BCL2: variants seen among roughly 807,000 people sequenced by gnomAD.
BCL2 encodes BCL2 apoptosis regulator.
BCL2 carries 1 observed loss-of-function variant against 14.2 expected under a neutral mutation model. The observed-to-expected ratio is 0.07, with a 90% CI of 0.02 to 0.33. The LOEUF (loss-of-function observed/expected upper bound fraction) is 0.33, where lower values mean the gene tolerates loss of function less well. BCL2 is among the 10% of genes least tolerant of loss of function. BCL2 has a pLI of 0.99. For missense variants in BCL2, 247 were observed against 305.9 expected (o/e 0.81, Z 1.44); for synonymous variants, 151 against 137.2 (o/e 1.10, Z -0.70).
At chr18:63,169,393 C>CTCTTTCTTTCTTTCTTTCTTTCTT (rs1915165518) in intron 2 of BCL2, among the ~76,000 whole-genome samples, 1 of 113,304 alleles carries the variant, frequency 8.8e-6, no homozygotes, top group African/African-American at 4.5e-5. Flanking sequence ...CTTTCTTTTT[C>CTCTTTCTTTCTTTCTTTCTTTCTT]TTTCTTTCTT....
chr18:63,212,851 G>A (rs1290561221), intron 2 of BCL2, among the ~76,000 whole-genome samples: 1 of 150,160 alleles, frequency 6.7e-6, no homozygotes, highest in East Asian at 1.9e-4. Context: ...ACTCCAGCCT[G>A]GGCAACGGAG....
At chr18:63,305,621 G>A (rs757068148) in intron 2 of BCL2, among the ~76,000 whole-genome samples, 5 of 151,312 alleles carry the variant, frequency 3.3e-5, no homozygotes, top group African/African-American at 9.7e-5. Context: ...TTTTTCACCC[G>A]GAAAAAAATT....
chr18:63,215,323 C>T (rs1599250257), intron 2 of BCL2, among the ~76,000 whole-genome samples: 1 of 152,280 alleles, frequency 6.6e-6, no homozygotes, highest in Admixed American at 6.5e-5. Context: ...CATCTCACGT[C>T]CTGTAAGCAC....
At chr18:63,135,754 A>T (rs1169650044) in intron 2 of BCL2, among the ~76,000 whole-genome samples, 1 of 152,028 alleles carries the variant, frequency 6.6e-6, no homozygotes, top group Admixed American at 6.5e-5. Context: ...GACCTCAGGT[A>T]TCCTCAAAAT....
At chr18:63,146,410 AG>A (rs1914514625) in intron 2 of BCL2, among the ~76,000 whole-genome samples, 2 of 152,140 alleles carry the variant, frequency 1.3e-5, no homozygotes, top group Admixed American at 1.3e-4. Context: ...AAATGGAGCG[AG>A]GTAACTAGAG....
chr18:63,170,466 T>A (rs1216093271), intron 2 of BCL2, among the ~76,000 whole-genome samples: 1 of 152,214 alleles, frequency 6.6e-6, no homozygotes, highest in Non-Finnish European at 1.5e-5. Flanking sequence ...CTTGACTTAA[T>A]CCATCCAAAG....
chr18:63,288,341 A>G (rs1912533336), intron 2 of BCL2, among the ~76,000 whole-genome samples: 1 of 152,236 alleles, frequency 6.6e-6, no homozygotes, highest in Non-Finnish European at 1.5e-5. Flanking sequence ...ACTTGCCACG[A>G]ACACTACCAT....
chr18:63,281,710 AAG>A, intron 2 of BCL2, among the ~76,000 whole-genome samples: 2 of 149,488 alleles, frequency 1.3e-5, no homozygotes, highest in East Asian at 1.9e-4. Flanking sequence ...GAAAGAAAGA[AAG>A]AAAGAAAGAA....
At chr18:63,288,748 G>A (rs1181790224) in intron 2 of BCL2, among the ~76,000 whole-genome samples, 1 of 152,202 alleles carries the variant, frequency 6.6e-6, no homozygotes, top group Non-Finnish European at 1.5e-5. Flanking sequence ...AAAGCATAAT[G>A]TTCTTGGCAG....
At chr18:63,140,028 T>C (rs1260092675) in intron 2 of BCL2, among the ~76,000 whole-genome samples, 2 of 152,230 alleles carry the variant, frequency 1.3e-5, no homozygotes, top group African/African-American at 4.8e-5. Flanking sequence ...GGTACACAAA[T>C]GGCCAGTAAG....
chr18:63,237,949 T>TA (rs1236218056), intron 2 of BCL2, among the ~76,000 whole-genome samples: 2 of 151,710 alleles, frequency 1.3e-5, no homozygotes, highest in African/African-American at 4.8e-5. Context: ...TTGGATTTTT[T>TA]TTTTTTCCTC....
At chr18:63,207,071 C>T (rs1909857395) in intron 2 of BCL2, among the ~76,000 whole-genome samples, 1 of 152,134 alleles carries the variant, frequency 6.6e-6, no homozygotes, top group Admixed American at 6.5e-5. Flanking sequence ...TGCTTCACCT[C>T]AGATGAGGAA....
chr18:63,299,607 G>T (rs1240780303), intron 2 of BCL2, among the ~76,000 whole-genome samples: 1 of 152,172 alleles, frequency 6.6e-6, no homozygotes, highest in Non-Finnish European at 1.5e-5. Flanking sequence ...ACTCCTTAGT[G>T]GGGCACATAG....
At chr18:63,167,550 C>T (rs1200346818) in intron 2 of BCL2, among the ~76,000 whole-genome samples, 1 of 152,074 alleles carries the variant, frequency 6.6e-6, no homozygotes, top group Non-Finnish European at 1.5e-5. Flanking sequence ...GAGGCCGAGG[C>T]AGGAGGATCA....
chr18:63,206,679 T>C (rs1314896190), intron 2 of BCL2, among the ~76,000 whole-genome samples: 3 of 152,146 alleles, frequency 2.0e-5, no homozygotes, highest in Non-Finnish European at 2.9e-5. Context: ...TTAGATGCTG[T>C]TGGAGATATA....
At chr18:63,159,230 C>T (rs1178112286) in intron 2 of BCL2, among the ~76,000 whole-genome samples, 1 of 152,106 alleles carries the variant, frequency 6.6e-6, no homozygotes, top group Non-Finnish European at 1.5e-5. Flanking sequence ...ACGTGCAAAC[C>T]GACACAGAGC....
chr18:63,281,835 A>G (rs1005899612), intron 2 of BCL2, among the ~76,000 whole-genome samples: 1 of 152,246 alleles, frequency 6.6e-6, no homozygotes, highest in African/African-American at 2.4e-5. Context: ...TAATTTTAAC[A>G]TGTTAAGAAC....
chr18:63,193,464 T>C (rs989254942), intron 2 of BCL2, among the ~76,000 whole-genome samples: 1 of 152,104 alleles, frequency 6.6e-6, no homozygotes, highest in Non-Finnish European at 1.5e-5. Context: ...GATGCTCATA[T>C]AAGTGGAATC....
intron 2 of BCL2, among the ~76,000 whole-genome samples, chr18:63,223,909 G>A (rs993350196): frequency 1.3e-5 from 2 of 151,988 alleles, no homozygotes; most frequent in Admixed American, 1.3e-4. Context: ...AGTCTCTACA[G>A]GAAAGACAGA....
Sources: allele counts gnomAD v4.1 joint callset (sites outside exome capture counted in the v4.1 genomes callset), GRCh38; gene constraint gnomAD v4.1.1; transcripts MANE v1.5; gene names NCBI Gene and HGNC (gene_info 2026-07-23, HGNC 2026-07-21).